The following ADGRL2 variants were observed in gnomAD, a reference collection of about 807,000 sequenced individuals.
ADGRL2 encodes the protein adhesion G protein-coupled receptor L2.
Under a neutral mutation model 157.4 loss-of-function variants are expected in ADGRL2, and 44 were observed. The ratio of observed to expected loss-of-function variants is 0.28; its 90% CI spans 0.22 to 0.36. The LOEUF is 0.36. Ranked by LOEUF, ADGRL2 falls within the 10% of genes least tolerant of loss-of-function variation. The pLI is 1.00. For missense variants in ADGRL2, 1,510 were observed against 1,768.9 expected (o/e 0.85, Z 2.63); for synonymous variants, 585 against 624.7 (o/e 0.94, Z 0.95).
At chr1:81,456,118 G>A (rs2077800133) in intron 2 of ADGRL2, among the ~76,000 whole-genome samples, 1 of 152,190 alleles carries the variant, frequency 6.6e-6, no homozygotes, top group Non-Finnish European at 1.5e-5. Flanking sequence ...TGCTGAGATT[G>A]TCTTCAAAGT....
At chr1:81,378,881 T>G (rs1402639274) in intron 1 of ADGRL2, among the ~76,000 whole-genome samples, 1 of 152,196 alleles carries the variant, frequency 6.6e-6, no homozygotes, top group Non-Finnish European at 1.5e-5. Flanking sequence ...ATAGCATACT[T>G]TCAGGTTTAC....
In ADGRL2 at chr1:81,766,098, A is replaced by G. The variant is rs150225149; in HGVS notation, c.-101+4246A>G. Among the ~76,000 whole-genome samples, 1,126 of 152,288 alleles carry G rather than the reference A, an allele frequency of 7.4e-3. 17 individuals are homozygous for G. Among genetic ancestry groups the G allele is most frequent in the African/African-American group, 0.026 (1,089 of 41,564 alleles). Reference sequence around the variant, plus strand: ...TTTTGGTTCATTTCACAGGAATAATATTCATTTTAATCAGCAAAAAAACAA... The same window carrying G: ...TTTTGGTTCATTTCACAGGAATAATGTTCATTTTAATCAGCAAAAAAACAA... On this transcript the variant is annotated intron_variant, in intron 2 of 20. Transcript: ENST00000359929.
intron 1 of ADGRL2, among the ~76,000 whole-genome samples, chr1:81,834,276 T>A (rs2092143930): frequency 6.6e-6 from 1 of 152,210 alleles, no homozygotes; most frequent in Admixed American, 6.5e-5. Flanking sequence ...TTTGAAGTAA[T>A]CTTTTCTGTT....
At chr1:81,322,822 A>G (rs1340519000) in intron 1 of ADGRL2, among the ~76,000 whole-genome samples, 3 of 152,078 alleles carry the variant, frequency 2.0e-5, no homozygotes, top group Non-Finnish European at 4.4e-5. Flanking sequence ...ACCATAAACA[A>G]TGGATATGGA....
chr1:81,704,427 T>C (rs1570893920), intron 1 of ADGRL2, among the ~76,000 whole-genome samples: 1 of 151,990 alleles, frequency 6.6e-6, no homozygotes, highest in African/African-American at 2.4e-5. Context: ...CTGGATATGG[T>C]CTAACAGGGG....
chr1:81,379,677 G>T (rs902048665), intron 1 of ADGRL2, among the ~76,000 whole-genome samples: 1 of 152,112 alleles, frequency 6.6e-6, no homozygotes, highest in Non-Finnish European at 1.5e-5. Context: ...GCGTCTGTCC[G>T]TGTGCTCTTG....
chr1:81,507,646 G>T (rs1240711056), intron 2 of ADGRL2, among the ~76,000 whole-genome samples: 1 of 152,188 alleles, frequency 6.6e-6, no homozygotes, highest in East Asian at 1.9e-4. Context: ...TCATCAAGCT[G>T]CTGAGCCGCG....
chr1:81,755,425 C>T (rs1198352201), intron 1 of ADGRL2, among the ~76,000 whole-genome samples: 1 of 151,794 alleles, frequency 6.6e-6, no homozygotes, highest in Non-Finnish European at 1.5e-5. Flanking sequence ...TAATTTTATA[C>T]TATGATAAGA....
At chr1:81,343,087 C>CTTTTTTTTTTTTTTTTTTTTTTTTTTTTT (rs764039251) in intron 1 of ADGRL2, among the ~76,000 whole-genome samples, 15 of 127,482 alleles carry the variant, frequency 1.2e-4, no homozygotes, top group African/African-American at 2.4e-4. Context: ...TTTCTTTTTT[C>CTTTTTTTTTTTTTTTTTTTTTTTTTTTTT]TTTTCTTTTT....
At chr1:81,873,496 G>C (rs894217363) in intron 2 of ADGRL2, among the ~76,000 whole-genome samples, 1 of 152,070 alleles carries the variant, frequency 6.6e-6, no homozygotes, top group Non-Finnish European at 1.5e-5. Context: ...CATTATAAAT[G>C]ATAGATCAGA....
At chr1:81,639,134 A>C (rs936818952) in intron 3 of ADGRL2, among the ~76,000 whole-genome samples, 8 of 152,212 alleles carry the variant, frequency 5.3e-5, no homozygotes, top group Admixed American at 4.6e-4. Context: ...CAGTGGTGCC[A>C]TCTCAGCTCA....
chr1:81,348,841 A>T (rs752150397), intron 1 of ADGRL2, among the ~76,000 whole-genome samples: 6 of 152,234 alleles, frequency 3.9e-5, no homozygotes, highest in Non-Finnish European at 8.8e-5. Flanking sequence ...AGAAGAGATG[A>T]TAATTAAAGT....
chr1:81,378,377 C>A (rs1041986795), intron 1 of ADGRL2, among the ~76,000 whole-genome samples: 4 of 151,466 alleles, frequency 2.6e-5, no homozygotes, highest in Non-Finnish European at 4.4e-5. Flanking sequence ...ATAACTAGAC[C>A]GTATCTCTAC....
intron 4 of ADGRL2, among the ~76,000 whole-genome samples, chr1:81,939,531 A>T (rs1459982379): frequency 6.6e-6 from 1 of 151,514 alleles, no homozygotes; most frequent in Non-Finnish European, 1.5e-5. Context: ...ATGAATAAAC[A>T]TGTTTATTCA....
At chr1:81,635,332 G>A (rs547099969) in intron 3 of ADGRL2, among the ~76,000 whole-genome samples, 22 of 152,274 alleles carry the variant, frequency 1.4e-4, no homozygotes, top group Non-Finnish European at 2.6e-4. Flanking sequence ...GAAGGAAGAC[G>A]CATGCCCAGC....
intron 1 of ADGRL2, among the ~76,000 whole-genome samples, chr1:81,730,332 G>T (rs1437888788): frequency 6.6e-6 from 1 of 151,798 alleles, no homozygotes; most frequent in African/African-American, 2.4e-5. Flanking sequence ...CTATATTTGA[G>T]GTTAGAAATC....
At chr1:81,452,038 T>G (rs1408492658) in intron 2 of ADGRL2, among the ~76,000 whole-genome samples, 1 of 152,142 alleles carries the variant, frequency 6.6e-6, no homozygotes, top group East Asian at 1.9e-4. Context: ...TTGTTCAACT[T>G]TCCCTTTCAA....
intron 2 of ADGRL2, among the ~76,000 whole-genome samples, chr1:81,523,289 G>A (rs1214316767): frequency 6.6e-6 from 1 of 151,826 alleles, no homozygotes; most frequent in Non-Finnish European, 1.5e-5. Context: ...TTTTTTATAT[G>A]AAAAAATAAA....
chr1:81,306,351 C>T (rs1489559580), exon 1 of ADGRL2: 1 of 152,310 alleles, frequency 6.6e-6, no homozygotes, highest in Non-Finnish European at 1.5e-5. Context: ...GGAGGTCACT[C>T]GTTCACAGCC....
Sources: allele counts gnomAD v4.1 joint callset (sites outside exome capture counted in the v4.1 genomes callset), GRCh38; gene constraint gnomAD v4.1.1; transcripts MANE v1.5; gene names NCBI Gene and HGNC (gene_info 2026-07-23, HGNC 2026-07-21).